SPNS3: variants seen among roughly 807,000 people sequenced by gnomAD.
The protein encoded by SPNS3 is protein spinster homolog 3.
In SPNS3, 51 loss-of-function variants were observed where a neutral mutation model predicts 54.4. The observed-to-expected ratio is 0.94, with a 90% CI of 0.75 to 1.18. The LOEUF (loss-of-function observed/expected upper bound fraction) is 1.18, where lower values mean the gene tolerates loss of function less well. Ranked by LOEUF, SPNS3 falls within the 50% of genes most tolerant of loss-of-function variation. The probability of loss-of-function intolerance (pLI) is 0.00; values close to 1 mark genes in which losing one functional copy is unlikely to be tolerated. For synonymous variants in SPNS3, 309 were observed against 294.7 expected (o/e 1.05, Z -0.50); for missense variants, 669 against 677.4 (o/e 0.99, Z 0.14).
chr17:4,445,751 G>C (rs781315044), intron 3 of SPNS3, among the ~76,000 whole-genome samples: 1 of 152,038 alleles, frequency 6.6e-6, no homozygotes, highest in East Asian at 1.9e-4. Flanking sequence ...ATTTCTGCCC[G>C]ACTCTGCTGG....
At chr17:4,485,184 C>T (rs952104168) in intron 9 of SPNS3, 4 of 152,118 alleles carry the variant, frequency 2.6e-5, no homozygotes, top group African/African-American at 9.7e-5. Context: ...TGTCTCAGAG[C>T]GTTATTTTGG....
At chr17:4,485,548 C>T (rs1277563047) in intron 9 of SPNS3, among the ~76,000 whole-genome samples, 1 of 152,108 alleles carries the variant, frequency 6.6e-6, no homozygotes. Context: ...CAGGCATGTG[C>T]CACCACGCCG....
intron 8 of SPNS3, among the ~76,000 whole-genome samples, chr17:4,461,639 G>C (rs1015308492): frequency 3.9e-5 from 6 of 152,038 alleles, no homozygotes; most frequent in African/African-American, 1.4e-4. Flanking sequence ...CAACAATGGC[G>C]ATTGTGAGAG....
At chr17:4,467,715 C>G (rs1217957452) in intron 8 of SPNS3, among the ~76,000 whole-genome samples, 1 of 152,212 alleles carries the variant, frequency 6.6e-6, no homozygotes, top group Non-Finnish European at 1.5e-5. Flanking sequence ...GTCGCCCACG[C>G]TGGAGTGCGG....
intron 2 of SPNS3, among the ~76,000 whole-genome samples, chr17:4,440,976 T>C (rs1364999674): frequency 6.6e-6 from 1 of 152,248 alleles, no homozygotes; most frequent in Admixed American, 6.5e-5. Context: ...ATTTTTCTTA[T>C]AATCAGTTTG....
intron 9 of SPNS3, among the ~76,000 whole-genome samples, chr17:4,480,180 T>C (rs1360410129): frequency 1.3e-5 from 2 of 152,268 alleles, no homozygotes; most frequent in Admixed American, 6.5e-5. Context: ...CTTTGGCTCC[T>C]GGGTGAGTGG....
chr17:4,465,501 G>A (rs1281969004), intron 8 of SPNS3, among the ~76,000 whole-genome samples: 1 of 152,114 alleles, frequency 6.6e-6, no homozygotes, highest in Admixed American at 6.5e-5. Context: ...GCCGAGGCGG[G>A]AGGATTACCT....
intron 1 of SPNS3, 70 bp downstream of exon 1, chr17:4,434,236 G>C (rs1221322493): frequency 7.0e-7 from 1 of 1,435,144 alleles, no homozygotes; most frequent in African/African-American, 1.4e-5. Flanking sequence ...GCAGATCCAT[G>C]GTGGCCTTCC....
chr17:4,445,951 G>A (rs1970973725), intron 3 of SPNS3, 97 bp from the exon 4 acceptor site: 1 of 1,421,024 alleles, frequency 7.0e-7, no homozygotes, highest in African/African-American at 1.4e-5. Context: ...GGGGTCCTGT[G>A]TCATGAGGTC....
intron 8 of SPNS3, among the ~76,000 whole-genome samples, chr17:4,461,716 G>T (rs1263244163): frequency 6.6e-6 from 1 of 152,152 alleles, no homozygotes; most frequent in Non-Finnish European, 1.5e-5. Flanking sequence ...TCCAGGAGGG[G>T]TATGAAAGAA....
intron 8 of SPNS3, among the ~76,000 whole-genome samples, chr17:4,460,983 C>T (rs1971483191): frequency 6.6e-6 from 1 of 152,076 alleles, no homozygotes; most frequent in South Asian, 2.1e-4. Flanking sequence ...TGGTTCTGGG[C>T]TTCTGTTTGT....
At chr17:4,477,861 G>T (rs1357250425) in intron 8 of SPNS3, among the ~76,000 whole-genome samples, 2 of 152,154 alleles carry the variant, frequency 1.3e-5, no homozygotes, top group Non-Finnish European at 2.9e-5. Context: ...CACACGGTAG[G>T]TGCCTTATCA....
intron 6 of SPNS3, among the ~76,000 whole-genome samples, chr17:4,448,851 C>T (rs893567137): frequency 5.9e-5 from 9 of 152,270 alleles, no homozygotes; most frequent in African/African-American, 2.2e-4. Flanking sequence ...CAGAGGAAGA[C>T]AGGGCAGGCA....
At chr17:4,449,430 G>A (rs767499089) in intron 7 of SPNS3, 43 bp downstream of exon 7, 1 of 1,533,946 alleles carries the variant, frequency 6.5e-7, no homozygotes, top group Non-Finnish European at 8.7e-7. Flanking sequence ...CCGGCTCGGG[G>A]GCTCTTGCTG....
chr17:4,457,328 G>C (rs1416425223), intron 8 of SPNS3, among the ~76,000 whole-genome samples: 1 of 152,184 alleles, frequency 6.6e-6, no homozygotes, highest in African/African-American at 2.4e-5. Flanking sequence ...AGTGATAGAG[G>C]CTGCAGTGAG....
chr17:4,460,632 C>T (rs1244109112), intron 8 of SPNS3, among the ~76,000 whole-genome samples: 21 of 148,846 alleles, frequency 1.4e-4, no homozygotes, highest in African/African-American at 3.0e-4. Context: ...TTAGTAGAGA[C>T]GGGGTTTCAC....
chr17:4,468,584 C>G (rs62064885), intron 8 of SPNS3, among the ~76,000 whole-genome samples: 2 of 129,492 alleles, frequency 1.5e-5, no homozygotes, highest in African/African-American at 5.8e-5. Flanking sequence ...GCGGTGGCGG[C>G]GGGGGAAGAC....
chr17:4,449,497 T>C, intron 7 of SPNS3, 110 bp downstream of exon 7: 1 of 1,315,632 alleles, frequency 7.6e-7, no homozygotes, highest in South Asian at 1.5e-5. Flanking sequence ...GGGCATTTGG[T>C]GCTGTGTGAA....
intron 3 of SPNS3, 91 bp downstream of exon 3, chr17:4,445,259 A>G: frequency 7.6e-7 from 1 of 1,310,090 alleles, no homozygotes. Context: ...CGTGGGGACA[A>G]TTCTGCTCCA....
Sources: allele counts gnomAD v4.1 joint callset (sites outside exome capture counted in the v4.1 genomes callset), GRCh38; gene constraint gnomAD v4.1.1; transcripts MANE v1.5; gene names NCBI Gene and HGNC (gene_info 2026-07-23, HGNC 2026-07-21).